OGDH: variants seen among roughly 807,000 people sequenced by gnomAD.
OGDH encodes oxoglutarate dehydrogenase.
A neutral mutation model predicts 116.6 loss-of-function variants in OGDH; 38 were observed. The ratio of observed to expected loss-of-function variants is 0.33; its 90% CI spans 0.25 to 0.43. OGDH has a LOEUF of 0.43. Ranked by LOEUF, OGDH falls within the 20% of genes least tolerant of loss-of-function variation. The probability of loss-of-function intolerance (pLI) is 1.00; values close to 1 mark genes in which losing one functional copy is unlikely to be tolerated. For missense variants in OGDH, 825 were observed against 1,357.2 expected (o/e 0.61, Z 6.16); for synonymous variants, 488 against 533.3 (o/e 0.92, Z 1.17).
At chr7:44,646,097 C>G (rs973268505) in intron 3 of OGDH, among the ~76,000 whole-genome samples, 1 of 152,158 alleles carries the variant, frequency 6.6e-6, no homozygotes. Flanking sequence ...TTTTTCCCCC[C>G]ATCCTTTCCC....
chr7:44,659,882 TGTTTCATTG>T (rs1275621049), intron 4 of OGDH, among the ~76,000 whole-genome samples: 6 of 152,202 alleles, frequency 3.9e-5, no homozygotes, highest in Non-Finnish European at 8.8e-5. Flanking sequence ...ACCAGTTACT[TGTTTCATTG>T]GTTTTTTTCT....
chr7:44,638,976 T>C (rs1785797988), intron 2 of OGDH, among the ~76,000 whole-genome samples: 1 of 152,168 alleles, frequency 6.6e-6, no homozygotes, highest in Non-Finnish European at 1.5e-5. Flanking sequence ...CAGTAAGGGC[T>C]GGGAGTATCA....
rs147609522 is a variant in OGDH at position 44,700,511 on chromosome 7, G to A, written c.2559+242G>A. 9.7e-3 allele frequency among the ~76,000 whole-genome samples: 1,481 copies of A among 152,300 alleles called. 8 individuals carry two copies. The highest frequency in any genetic ancestry group is 0.015 in the Non-Finnish European group (1,037 of 68,022). The stretch of plus-strand genomic sequence containing the variant: ...CTGCATACTGCTGAGCACCACATGC[G>A]GAGCAATCACATAGGCTGCAGGCCC... On this transcript the variant is annotated intron_variant, in intron 19 of 22. Transcript: ENST00000222673.
At chr7:44,688,990 T>A (rs1297084118) in intron 10 of OGDH, among the ~76,000 whole-genome samples, 1 of 152,124 alleles carries the variant, frequency 6.6e-6, no homozygotes, top group Non-Finnish European at 1.5e-5. Context: ...CCTCAGGTGA[T>A]CTACCTGCCT....
chr7:44,669,537 CAG>C (rs1787340426), intron 5 of OGDH, among the ~76,000 whole-genome samples: 1 of 152,008 alleles, frequency 6.6e-6, no homozygotes, highest in East Asian at 1.9e-4. Context: ...TGTCACCTCT[CAG>C]GGGCCTGTTC....
Position 44,645,449 on chromosome 7 carries a change from A to G in OGDH, c.345A>G (p.Glu115=), listed in dbSNP as rs11557280. ...TGGCCCATGCACAGTCCCTGGTAGA[A>G]GCACAGCCCAACGTGGACAAGCTCG... ...AAVAHAQSLV[E]AQPNVDKLVE... The change falls in exon 3 of 23, where the codon GAA becomes GAG. Residue 115 remains glutamate (E), a synonymous_variant. Coordinates refer to ENST00000222673, the MANE Select transcript of OGDH (RefSeq NM_002541.4). 0.023 allele frequency: 37,612 copies of G among 1,614,148 alleles called. 672 individuals are homozygous for G. Among genetic ancestry groups the G allele is most frequent in the African/African-American group, 0.073 (5,467 of 75,034 alleles).
intron 18 of OGDH, among the ~76,000 whole-genome samples, chr7:44,699,425 CAA>C (rs59695480): frequency 0.015 from 1,030 of 67,668 alleles, 6 homozygotes; most frequent in African/African-American, 0.039. Context: ...ACTCCTGTCT[CAA>C]AAAAAAAAAA....
intron 4 of OGDH, among the ~76,000 whole-genome samples, chr7:44,651,006 G>C (rs893667835): frequency 6.6e-6 from 1 of 152,226 alleles, no homozygotes; most frequent in Non-Finnish European, 1.5e-5. Context: ...ACCCATGTTG[G>C]AACATAGCCT....
chr7:44,624,288 C>CTTTTTTTTTT (rs1301210828), intron 1 of OGDH, 29 bp from the exon 2 acceptor site: 1 of 1,157,032 alleles, frequency 8.6e-7, no homozygotes. Flanking sequence ...ACCTTTCTTT[C>CTTTTTTTTTT]TTGTTTTTTT....
Position 44,696,565 on chromosome 7 carries a change from G to T in OGDH, c.1900+8G>T, listed in dbSNP as rs149255478. 6.2e-7 allele frequency: 1 copy of T among 1,614,116 alleles called. No homozygotes were observed. The highest frequency in any genetic ancestry group is 8.5e-7 in the Non-Finnish European group (1 of 1,179,990). ...ACTTTACTATTCATGGAGGTAACAC[G>T]CTCTGTGCTGACCTGTGGAAATGTT... On this transcript the variant is annotated splice_region_variant and intron_variant, in intron 14 of 22. Transcript: ENST00000222673.
intron 2 of OGDH, among the ~76,000 whole-genome samples, chr7:44,636,112 C>G (rs1164756390): frequency 6.6e-6 from 1 of 152,228 alleles, no homozygotes; most frequent in African/African-American, 2.4e-5. Context: ...AGCAACTTCC[C>G]GAATCCTCAT....
intron 18 of OGDH, among the ~76,000 whole-genome samples, chr7:44,698,699 GGC>G (rs1253101261): frequency 1.3e-5 from 2 of 152,012 alleles, no homozygotes; most frequent in Non-Finnish European, 2.9e-5. Context: ...AAAGTAGCTG[GGC>G]GTGATGGTGC....
At chr7:44,628,780 T>C (rs1378289545) in intron 2 of OGDH, among the ~76,000 whole-genome samples, 1 of 152,070 alleles carries the variant, frequency 6.6e-6, no homozygotes, top group Non-Finnish European at 1.5e-5. Context: ...CTTAAAATGC[T>C]TAACTGATGT....
chr7:44,708,190 C>A lies in OGDH; in HGVS notation c.*191C>A. On this transcript the variant is annotated 3_prime_UTR_variant, in exon 23 of 23. Transcript: ENST00000222673. ...GTGCTTGGCTGCCCCACAGGCCACACGCTGCCCAGGCTCTGCTGACTTCTG... is the reference window on the plus strand; with the variant it reads ...GTGCTTGGCTGCCCCACAGGCCACAAGCTGCCCAGGCTCTGCTGACTTCTG... The A allele has an allele frequency of 1.4e-6, 1 of 725,526 alleles. No homozygotes were observed. The highest frequency in any genetic ancestry group is 2.2e-6 in the Non-Finnish European group (1 of 461,148). 44.9% of individuals were successfully genotyped at this position (725,526 alleles called of 1,614,324 possible). A position where few individuals can be genotyped will look rare whatever the true frequency, so the allele number is the denominator to read the frequency against.
At chr7:44,649,904 A>G (rs1333600646) in intron 4 of OGDH, among the ~76,000 whole-genome samples, 1 of 152,190 alleles carries the variant, frequency 6.6e-6, no homozygotes, top group East Asian at 1.9e-4. Context: ...GTGGTTCCAG[A>G]TTCAGCAACA....
At chr7:44,690,094 A>G (rs1165961082) in intron 10 of OGDH, among the ~76,000 whole-genome samples, 3 of 152,224 alleles carry the variant, frequency 2.0e-5, no homozygotes, top group Non-Finnish European at 4.4e-5. Context: ...ACTATTTTCA[A>G]ATATAAATGA....
At chr7:44,699,591 C>T (rs1391083583) in intron 18 of OGDH, among the ~76,000 whole-genome samples, 1 of 152,102 alleles carries the variant, frequency 6.6e-6, no homozygotes, top group Non-Finnish European at 1.5e-5. Flanking sequence ...AGGCTCTCCT[C>T]CAGGGTATGA....
chr7:44,708,180 A>G lies in OGDH; in HGVS notation c.*181A>G. 3 of 785,922 alleles carry G rather than the reference A, an allele frequency of 3.8e-6. No individual in the cohort carries two copies. Among genetic ancestry groups the G allele is most frequent in the Non-Finnish European group, 3.9e-6 (2 of 510,896 alleles). The allele number at this position is 785,922 out of a possible 1,614,324, so 48.7% of individuals were successfully genotyped here. A position where few individuals can be genotyped will look rare whatever the true frequency, so the allele number is the denominator to read the frequency against. ...TCCCCCTCCAGTGCTTGGCTGCCCC[A>G]CAGGCCACACGCTGCCCAGGCTCTG... On this transcript the variant is annotated 3_prime_UTR_variant, in exon 23 of 23. Transcript: ENST00000222673.
At chr7:44,688,470 G>C (rs1349020800) in intron 10 of OGDH, among the ~76,000 whole-genome samples, 2 of 131,458 alleles carry the variant, frequency 1.5e-5, no homozygotes, top group African/African-American at 5.8e-5. Context: ...TCGCTCTGTC[G>C]CCCAAGCTGG....
Sources: allele counts gnomAD v4.1 joint callset (sites outside exome capture counted in the v4.1 genomes callset), GRCh38; gene constraint gnomAD v4.1.1; transcripts MANE v1.5; gene names NCBI Gene and HGNC (gene_info 2026-07-23, HGNC 2026-07-21).